Variants in MCPH1 observed in about 807,000 individuals in gnomAD.
MCPH1 encodes microcephalin.
Under a neutral mutation model 84.5 loss-of-function variants are expected in MCPH1, and 104 were observed. The observed-to-expected ratio is 1.23, with a 90% confidence interval of 1.05 to 1.45. MCPH1 has a LOEUF of 1.45. Among genes scored for constraint, MCPH1 ranks in the 40% most tolerant of loss-of-function variants. MCPH1 has a pLI of 0.00. For missense variants in MCPH1, 1,498 were observed against 1,005.7 expected (o/e 1.49, Z -6.62); for synonymous variants, 514 against 366.8 (o/e 1.40, Z -4.58).
At chr8:6,471,335 T>A (rs1183504044) in intron 9 of MCPH1, among the ~76,000 whole-genome samples, 1 of 152,202 alleles carries the variant, frequency 6.6e-6, no homozygotes, top group African/African-American at 2.4e-5. Context: ...TTTAGTTATG[T>A]CCTGGTAACT....
intron 12 of MCPH1, among the ~76,000 whole-genome samples, chr8:6,538,174 A>C (rs1034126145): frequency 6.6e-6 from 1 of 151,744 alleles, no homozygotes; most frequent in Non-Finnish European, 1.5e-5. Flanking sequence ...TAAACCCTTG[A>C]ATTTTTCTAG....
intron 12 of MCPH1, among the ~76,000 whole-genome samples, chr8:6,576,047 TTAAAAA>T (rs1563147322): frequency 5.1e-5 from 7 of 138,394 alleles, no homozygotes; most frequent in Non-Finnish European, 6.2e-5. Flanking sequence ...TAATACAGCC[TTAAAAA>T]AAAAAAAAAA....
Position 6,499,676 on chromosome 8 carries a change from T to C in MCPH1, c.2137-176T>C, listed in dbSNP as rs534495273. ...TTTTTCTCAATCAACTTTTTATTAA[T>C]ATTCATAACATTTATGCAACATGAA... On this transcript the variant is annotated intron_variant, in intron 11 of 13. Transcript: ENST00000344683. 182 of 585,134 alleles carry C rather than the reference T, an allele frequency of 3.1e-4. 1 individual carries two copies. The South Asian group carries it at 3.2e-3, about 10-fold the overall frequency. The allele number at this position is 585,134 out of a possible 1,614,324, so 36.2% of individuals were successfully genotyped here.
rs988233671 is a variant in MCPH1 at position 6,473,591 on chromosome 8, A to G, written c.1936-4003A>G. Among the ~76,000 whole-genome samples, 4 of 152,248 alleles carry G rather than the reference A, an allele frequency of 2.6e-5. No homozygotes were observed. In the South Asian group the frequency reaches 8.3e-4, roughly 32 times the overall value. ...CGTGATCTGCCCACCTCAGCCTCCC[A>G]AAGGGCTGGGATTACAGGCGTGAGC... On this transcript the variant is annotated intron_variant, in intron 9 of 13. Coordinates refer to ENST00000344683, the MANE Select transcript of MCPH1 (RefSeq NM_024596.5).
At chr8:6,594,005 T>A (rs1461303334) in intron 12 of MCPH1, among the ~76,000 whole-genome samples, 1 of 152,178 alleles carries the variant, frequency 6.6e-6, no homozygotes, top group African/African-American at 2.4e-5. Context: ...TTGTCTCTTC[T>A]CTCCTATAAC....
chr8:6,515,752 A>G (rs761123669), intron 12 of MCPH1, among the ~76,000 whole-genome samples: 2 of 152,234 alleles, frequency 1.3e-5, no homozygotes, highest in Non-Finnish European at 2.9e-5. Flanking sequence ...TTCAAAACCA[A>G]TTGTAAATAT....
intron 11 of MCPH1, among the ~76,000 whole-genome samples, chr8:6,499,094 A>ATAAG (rs1323003869): frequency 6.8e-6 from 1 of 147,070 alleles, no homozygotes; most frequent in Admixed American, 6.7e-5. Flanking sequence ...AAATAAATAA[A>ATAAG]TAAATAAAAT....
chr8:6,406,739 C>T, intron 1 of MCPH1, 50 bp downstream of exon 1: 4 of 1,601,190 alleles, frequency 2.5e-6, no homozygotes, highest in Non-Finnish European at 3.4e-6. Flanking sequence ...TGAGGACCGG[C>T]ACCCCTCGTC....
chr8:6,451,158 C>T (rs937162234), intron 8 of MCPH1, among the ~76,000 whole-genome samples: 2 of 152,152 alleles, frequency 1.3e-5, no homozygotes, highest in African/African-American at 2.4e-5. Context: ...ATTAAGAACC[C>T]CCTTTCCCAT....
At chr8:6,419,150 CAG>C (rs879601904) in intron 3 of MCPH1, among the ~76,000 whole-genome samples, 5,002 of 91,544 alleles carry the variant, frequency 0.055, 144 homozygotes, top group African/African-American at 0.11. Context: ...CACACACACA[CAG>C]ACACACACAC....
intron 12 of MCPH1, among the ~76,000 whole-genome samples, chr8:6,572,385 A>G (rs543766242): frequency 5.9e-5 from 9 of 152,166 alleles, no homozygotes; most frequent in Non-Finnish European, 1.3e-4. Flanking sequence ...TATCAAATCC[A>G]CTTGTAATAC....
intron 12 of MCPH1, among the ~76,000 whole-genome samples, chr8:6,539,988 A>G (rs1170055260): frequency 2.0e-5 from 3 of 152,198 alleles, no homozygotes; most frequent in African/African-American, 4.8e-5. Flanking sequence ...TTTGGCCACT[A>G]TATAACTCCA....
At chr8:6,501,510 T>C (rs1812171774) in intron 12 of MCPH1, 1 of 151,974 alleles carries the variant, frequency 6.6e-6, no homozygotes, top group Non-Finnish European at 1.5e-5. Context: ...TATGGTTTTG[T>C]AGTCCCGAGT....
intron 12 of MCPH1, among the ~76,000 whole-genome samples, chr8:6,610,789 C>T (rs1432380948): frequency 6.6e-6 from 1 of 152,084 alleles, no homozygotes; most frequent in African/African-American, 2.4e-5. Context: ...GAGACAACTT[C>T]ATGCCCATTT....
intron 12 of MCPH1, among the ~76,000 whole-genome samples, chr8:6,524,954 CT>C (rs1214809197): frequency 1.3e-5 from 2 of 152,238 alleles, no homozygotes; most frequent in East Asian, 3.8e-4. Flanking sequence ...GGCAGACACC[CT>C]GCTGTGGACC....
intron 9 of MCPH1, among the ~76,000 whole-genome samples, chr8:6,475,059 C>T (rs983914181): frequency 2.0e-5 from 3 of 152,122 alleles, no homozygotes; most frequent in African/African-American, 7.2e-5. Flanking sequence ...TAGGAAGATT[C>T]AATTTATAGG....
chr8:6,621,733 C>T, intron 13 of MCPH1, 42 bp downstream of exon 13: 1 of 1,613,316 alleles, frequency 6.2e-7, no homozygotes, highest in Non-Finnish European at 8.5e-7. Context: ...TGGTCCAGAT[C>T]TGTGGACAGG....
chr8:6,520,008 G>A (rs376445795), intron 12 of MCPH1: 2 of 1,612,378 alleles, frequency 1.2e-6, no homozygotes, highest in Middle Eastern at 3.3e-4. Flanking sequence ...TTAAAAAATA[G>A]TAAGGCATTT....
chr8:6,596,416 C>G (rs898527321), intron 12 of MCPH1, among the ~76,000 whole-genome samples: 4 of 152,180 alleles, frequency 2.6e-5, no homozygotes, highest in Non-Finnish European at 5.9e-5. Context: ...AATTTTTCTG[C>G]TAAGGGAAGT....
Sources: gnomAD v4.1 joint callset for allele counts (sites outside exome capture counted in the v4.1 genomes callset) on GRCh38, gnomAD v4.1.1 for gene constraint, MANE v1.5 for transcripts, NCBI Gene and HGNC (gene_info 2026-07-23, HGNC 2026-07-21) for gene names.